The following SPHKAP variants were observed in gnomAD, a reference collection of about 807,000 sequenced individuals.
The protein encoded by SPHKAP is SPHK1 interactor, AKAP domain containing, also known as A-kinase anchor protein SPHKAP.
Under a neutral mutation model 137.5 loss-of-function variants are expected in SPHKAP, and 67 were observed. That is an observed-to-expected ratio of 0.49 (90% CI 0.40 to 0.60). The LOEUF (loss-of-function observed/expected upper bound fraction) is 0.60, where lower values mean the gene tolerates loss of function less well. Among genes scored for constraint, SPHKAP ranks in the 20% least tolerant of loss-of-function variants. SPHKAP has a pLI of 0.00. For synonymous variants in SPHKAP, 813 were observed against 785.3 expected, an observed-to-expected ratio of 1.04 and a Z score of -0.59; for missense variants, 2,097 against 2,069.3, an observed-to-expected ratio of 1.01 and a Z score of -0.26.
chr2:228,123,095 C>T (rs1450990670), intron 2 of SPHKAP, among the ~76,000 whole-genome samples: 1 of 152,186 alleles, frequency 6.6e-6, no homozygotes. Context: ...CCTCTGCTAT[C>T]CCTATCCCCA....
Position 228,017,206 on chromosome 2 carries a change from G to T in SPHKAP, c.3648C>A (p.Ser1216Arg). 1 of 1,613,964 alleles carries T rather than the reference G, an allele frequency of 6.2e-7. No individual in the cohort carries two copies. The highest frequency in any genetic ancestry group is 1.1e-5 in the South Asian group (1 of 91,070). The change falls in exon 7 of 12, where the codon AGC becomes AGA. Residue 1216 changes from serine (S) to arginine (R), a missense_variant. Ser to Arg is a moderately radical substitution (Grantham distance 110, BLOSUM62 -1). Coordinates refer to ENST00000392056, the MANE Select transcript of SPHKAP (RefSeq NM_001142644.2). ...ACAGCAGGCCGGCTGTCCAATCCTG[G>T]CTGCTCCGTCTGGAGGAGGCACTTT... is the stretch of plus-strand genomic sequence containing the variant. Reference protein sequence around the residue: ...SRESASSRRSSQDWTAGLLSP... With the variant: ...SRESASSRRSRQDWTAGLLSP...
At chr2:228,086,679 C>T (rs1055785102) in intron 3 of SPHKAP, among the ~76,000 whole-genome samples, 15 of 152,154 alleles carry the variant, frequency 9.9e-5, no homozygotes, top group African/African-American at 3.6e-4. Flanking sequence ...CAGTCTACCT[C>T]ATGACCAGAG....
chr2:228,113,800 A>G (rs1009072343), intron 2 of SPHKAP, among the ~76,000 whole-genome samples: 2 of 152,046 alleles, frequency 1.3e-5, no homozygotes, highest in African/African-American at 4.8e-5. Flanking sequence ...ATACCATGTA[A>G]GTCTCCTCCT....
intron 3 of SPHKAP, among the ~76,000 whole-genome samples, chr2:228,041,799 C>T (rs544410196): frequency 4.1e-4 from 62 of 151,844 alleles, no homozygotes; most frequent in South Asian, 2.7e-3. Flanking sequence ...TCATGTGGAG[C>T]GGAGGACACT....
chr2:228,127,226 G>A (rs1459957179), intron 2 of SPHKAP, among the ~76,000 whole-genome samples: 1 of 152,114 alleles, frequency 6.6e-6, no homozygotes, highest in Non-Finnish European at 1.5e-5. Flanking sequence ...CATTGCATGT[G>A]CATTTAACAC....
intron 3 of SPHKAP, among the ~76,000 whole-genome samples, chr2:228,043,107 A>G (rs1695912389): frequency 6.6e-6 from 1 of 152,258 alleles, no homozygotes; most frequent in Non-Finnish European, 1.5e-5. Context: ...TTAAATTTCA[A>G]AAATGAATAA....
intron 3 of SPHKAP, among the ~76,000 whole-genome samples, chr2:228,075,929 A>C (rs555584875): frequency 1.3e-5 from 2 of 152,316 alleles, no homozygotes; most frequent in Non-Finnish European, 2.9e-5. Context: ...CTGTGTCCTC[A>C]CTCAAATCTC....
intron 1 of SPHKAP, among the ~76,000 whole-genome samples, chr2:228,158,333 T>TTTC (rs1700173290): frequency 6.6e-6 from 1 of 150,796 alleles, no homozygotes; most frequent in Non-Finnish European, 1.5e-5. Context: ...TTTCTTTTTT[T>TTTC]TTTTTTTTTT....
chr2:228,028,712 C>T (rs1695159267), intron 3 of SPHKAP, among the ~76,000 whole-genome samples: 1 of 152,190 alleles, frequency 6.6e-6, no homozygotes, highest in Non-Finnish European at 1.5e-5. Flanking sequence ...ATATAACCTA[C>T]AGGTACAGTA....
At chr2:228,103,122 G>A (rs554863102) in intron 3 of SPHKAP, among the ~76,000 whole-genome samples, 1 of 152,222 alleles carries the variant, frequency 6.6e-6, no homozygotes, top group South Asian at 2.1e-4. Flanking sequence ...GAGTCACCTG[G>A]CTGCTGTGAT....
rs746710055 is a variant in SPHKAP at position 228,018,657 on chromosome 2, A to G, written c.2197T>C (p.Cys733Arg). The change falls in exon 7 of 12, where the codon TGT (cysteine) becomes CGT (arginine). Residue 733 changes from cysteine to arginine, a missense_variant. Physicochemically the swap from Cys to Arg is radical, Grantham distance 180 (BLOSUM62 -3). Transcript: ENST00000392056. Reference protein sequence around the residue: ...KMSHIVRLGECPAVLSKETIR... With the variant: ...KMSHIVRLGERPAVLSKETIR... ...GTCTCCTTAGAAAGGACAGCAGGAC[A>G]TTCACCAAGCCGTACAATATGACTC... The G allele has an allele frequency of 1.2e-6, 2 of 1,614,222 alleles. No homozygotes were observed. Among genetic ancestry groups the G allele is most frequent in the Non-Finnish European group, 1.7e-6 (2 of 1,180,026 alleles).
chr2:228,125,243 T>C (rs1699038044), intron 2 of SPHKAP, among the ~76,000 whole-genome samples: 1 of 152,128 alleles, frequency 6.6e-6, no homozygotes, highest in Admixed American at 6.6e-5. Context: ...GAAGCATAGA[T>C]TGGAAATGCC....
chr2:228,162,984 T>C (rs1346339167), intron 1 of SPHKAP, among the ~76,000 whole-genome samples: 1 of 152,068 alleles, frequency 6.6e-6, no homozygotes, highest in African/African-American at 2.4e-5. Context: ...CAGGTGTGAG[T>C]CACGTGCCTG....
chr2:228,051,242 T>C (rs1559147835), intron 3 of SPHKAP, among the ~76,000 whole-genome samples: 2 of 152,228 alleles, frequency 1.3e-5, no homozygotes, highest in Admixed American at 1.3e-4. Flanking sequence ...ATATTTCCTT[T>C]ACCTAAAACT....
intron 3 of SPHKAP, among the ~76,000 whole-genome samples, chr2:228,029,244 G>C (rs1461644510): frequency 6.6e-6 from 1 of 152,160 alleles, no homozygotes; most frequent in Non-Finnish European, 1.5e-5. Context: ...TTAATTACCT[G>C]GAATTTAGTT....
chr2:228,020,317 C>T (rs1370636882), intron 6 of SPHKAP, 161 bp from the exon 7 acceptor site: 6 of 511,152 alleles, frequency 1.2e-5, no homozygotes, highest in Non-Finnish European at 1.5e-5. Context: ...GGAACCAACC[C>T]AAATGTCCAT....
chr2:228,136,759 A>G (rs1699448593), intron 1 of SPHKAP, among the ~76,000 whole-genome samples: 1 of 152,182 alleles, frequency 6.6e-6, no homozygotes, highest in Non-Finnish European at 1.5e-5. Context: ...ATTAAATTGA[A>G]TTCACCTTCC....
intron 3 of SPHKAP, among the ~76,000 whole-genome samples, chr2:228,068,956 C>G (rs11677998): frequency 0.046 from 7,011 of 152,236 alleles, 248 homozygotes; most frequent in Non-Finnish European, 0.059. Flanking sequence ...TCTGGAAGCC[C>G]TAGCATCTCC....
At chr2:228,020,411 A>G (rs1164529800) in intron 6 of SPHKAP, among the ~76,000 whole-genome samples, 1 of 152,188 alleles carries the variant, frequency 6.6e-6, no homozygotes, top group Non-Finnish European at 1.5e-5. Context: ...AGTTCATGTC[A>G]TTTGTAGGGA....
Sources: gnomAD v4.1 joint callset for allele counts (sites outside exome capture counted in the v4.1 genomes callset) on GRCh38, gnomAD v4.1.1 for gene constraint, MANE v1.5 for transcripts, NCBI Gene and HGNC (gene_info 2026-07-23, HGNC 2026-07-21) for gene names.